Variants in PCDH9 observed in about 807,000 individuals in gnomAD.
PCDH9 encodes the protein protocadherin-9.
In PCDH9, 24 loss-of-function variants were observed where a neutral mutation model predicts 70.6. The ratio of observed to expected loss-of-function variants is 0.34; its 90% CI spans 0.25 to 0.48. The LOEUF is 0.48. Among genes scored for constraint, PCDH9 ranks in the 20% least tolerant of loss-of-function variants. PCDH9 has a pLI of 0.99. For synonymous variants in PCDH9, 562 were observed against 558.5 expected (o/e 1.01, Z -0.09); for missense variants, 1,281 against 1,503.6 (o/e 0.85, Z 2.45).
At chr13:66,571,625 G>A (rs1262768572) in intron 4 of PCDH9, among the ~76,000 whole-genome samples, 1 of 151,736 alleles carries the variant, frequency 6.6e-6, no homozygotes, top group Non-Finnish European at 1.5e-5. Flanking sequence ...ATAGTTCAAC[G>A]GCTAAAAGAC....
intron 2 of PCDH9, among the ~76,000 whole-genome samples, chr13:67,142,799 G>C (rs1844610048): frequency 6.8e-6 from 1 of 148,008 alleles, no homozygotes; most frequent in East Asian, 2.0e-4. Flanking sequence ...AGGAGTTTGA[G>C]ACCAGCCTGG....
In PCDH9 at chr13:67,228,050, T is replaced by C. The variant is rs1269836867; in HGVS notation, c.391A>G (p.Ile131Val). 3.1e-6 allele frequency: 5 copies of C among 1,613,792 alleles called. No homozygotes were observed. In the East Asian group the frequency reaches 6.7e-5, roughly 22 times the overall value. Residue 131 changes from isoleucine to valine, a missense_variant, in exon 2 of 5, where the codon ATT (isoleucine) becomes GTT (valine). Transcript: ENST00000377865. ...DFFRLIKIKI[I>V]VKDTNDNAPM... The stretch of plus-strand genomic sequence containing the variant: ...GCATTATCATTGGTATCCTTGACAA[T>C]TATTTTTATTTTGATCAGCCTGAAG...
At chr13:66,810,046 G>A (rs182752851) in intron 3 of PCDH9, among the ~76,000 whole-genome samples, 24 of 152,112 alleles carry the variant, frequency 1.6e-4, no homozygotes, top group African/African-American at 5.1e-4. Context: ...TGGGGAAAAT[G>A]TTCACCAAAA....
chr13:66,551,309 C>G (rs1475277033), intron 4 of PCDH9, among the ~76,000 whole-genome samples: 1 of 152,084 alleles, frequency 6.6e-6, no homozygotes, highest in African/African-American at 2.4e-5. Context: ...ATGCATTTCA[C>G]TGTGGAATAG....
intron 3 of PCDH9, among the ~76,000 whole-genome samples, chr13:66,881,943 T>C (rs961102905): frequency 2.0e-5 from 3 of 152,326 alleles, no homozygotes; most frequent in Middle Eastern, 3.4e-3. Flanking sequence ...CTGTTCTTAA[T>C]TTAGTAGTGA....
At chr13:66,900,600 T>G (rs1042258784) in intron 3 of PCDH9, among the ~76,000 whole-genome samples, 10 of 151,816 alleles carry the variant, frequency 6.6e-5, no homozygotes, top group African/African-American at 2.4e-4. Context: ...TAAGCAATAC[T>G]TCTTACATCT....
intron 3 of PCDH9, among the ~76,000 whole-genome samples, chr13:66,812,619 CAACTGAATACCATAAAAT>C (rs2080529380): frequency 6.6e-6 from 1 of 152,108 alleles, no homozygotes; most frequent in Non-Finnish European, 1.5e-5. Context: ...AGAAACAGAG[CAACTGAATACCATAAAAT>C]AGAACAAGGC....
chr13:66,386,119 G>T (rs1391155656), intron 4 of PCDH9, among the ~76,000 whole-genome samples: 1 of 152,006 alleles, frequency 6.6e-6, no homozygotes, highest in Non-Finnish European at 1.5e-5. Flanking sequence ...CAGTGATGTT[G>T]CATATTATCC....
chr13:66,472,589 A>G lies in PCDH9; in HGVS notation c.3340+158621T>C, dbSNP rs568382607. 3.3e-5 allele frequency among the ~76,000 whole-genome samples: 5 copies of G among 152,218 alleles called. No individual in the cohort carries two copies. In the East Asian group the frequency reaches 9.7e-4, roughly 29 times the overall value. On this transcript the variant is annotated intron_variant, in intron 4 of 4. Coordinates refer to ENST00000377865, the MANE Select transcript of PCDH9 (RefSeq NM_203487.3). ...TATCTCAAAACAACAACAACAACCA[A>G]ACACATCCATATTATAACAGTGTTG...
chr13:66,549,215 C>T (rs149988024), intron 4 of PCDH9, among the ~76,000 whole-genome samples: 1 of 151,558 alleles, frequency 6.6e-6, no homozygotes, highest in Non-Finnish European at 1.5e-5. Context: ...GTATATAAAC[C>T]GTATGTATAT....
intron 2 of PCDH9, among the ~76,000 whole-genome samples, chr13:67,199,922 A>G (rs1001393168): frequency 5.3e-5 from 8 of 152,152 alleles, no homozygotes; most frequent in African/African-American, 1.9e-4. Flanking sequence ...GATTTTCCAA[A>G]TGGACCTGAG....
chr13:67,097,187 T>A (rs957174234), intron 2 of PCDH9, among the ~76,000 whole-genome samples: 1 of 151,778 alleles, frequency 6.6e-6, no homozygotes, highest in African/African-American at 2.4e-5. Context: ...CCCAGGGAGG[T>A]TGAGACTATA....
chr13:67,156,662 G>A (rs1348759175), intron 2 of PCDH9, among the ~76,000 whole-genome samples: 3 of 152,168 alleles, frequency 2.0e-5, no homozygotes, highest in Non-Finnish European at 2.9e-5. Flanking sequence ...ACACAAAGGC[G>A]AGAAACCCCG....
At chr13:66,666,975 T>C (rs1354359123) in intron 3 of PCDH9, among the ~76,000 whole-genome samples, 1 of 152,202 alleles carries the variant, frequency 6.6e-6, no homozygotes, top group African/African-American at 2.4e-5. Context: ...AATGTGGAGT[T>C]AGATATAAAG....
intron 4 of PCDH9, among the ~76,000 whole-genome samples, chr13:66,412,374 C>G (rs1167479340): frequency 6.6e-6 from 1 of 152,114 alleles, no homozygotes; most frequent in African/African-American, 2.4e-5. Flanking sequence ...TATTTCAAAA[C>G]TCAGAGTTGC....
intron 4 of PCDH9, among the ~76,000 whole-genome samples, chr13:66,502,753 T>C (rs1959183320): frequency 6.6e-6 from 1 of 152,230 alleles, no homozygotes; most frequent in Admixed American, 6.5e-5. Flanking sequence ...TTTAAGTTAA[T>C]TTGTTTAAGT....
intron 3 of PCDH9, among the ~76,000 whole-genome samples, chr13:66,837,765 T>C (rs2081046157): frequency 1.3e-5 from 2 of 152,188 alleles, no homozygotes; most frequent in Non-Finnish European, 2.9e-5. Context: ...CCAGTCATCT[T>C]TGTGTAACTA....
intron 2 of PCDH9, among the ~76,000 whole-genome samples, chr13:67,134,812 G>A (rs2087192761): frequency 6.6e-6 from 1 of 151,908 alleles, no homozygotes; most frequent in Admixed American, 6.6e-5. Context: ...TGAGTAAAAC[G>A]GCAGTTTAAA....
chr13:66,522,207 G>C (rs1164934495), intron 4 of PCDH9, among the ~76,000 whole-genome samples: 1 of 151,458 alleles, frequency 6.6e-6, no homozygotes, highest in Non-Finnish European at 1.5e-5. Context: ...ACAATATCAA[G>C]GGGTAAAATC....
Sources: allele counts gnomAD v4.1 joint callset (sites outside exome capture counted in the v4.1 genomes callset), GRCh38; gene constraint gnomAD v4.1.1; transcripts MANE v1.5; gene names NCBI Gene and HGNC (gene_info 2026-07-23, HGNC 2026-07-21).